The following HSPG2 variants were observed in gnomAD, a reference collection of about 807,000 sequenced individuals.
HSPG2 encodes heparan sulfate proteoglycan 2.
Under a neutral mutation model 526.6 loss-of-function variants are expected in HSPG2, and 278 were observed. The ratio of observed to expected loss-of-function variants is 0.53; its 90% CI spans 0.48 to 0.58. The LOEUF (loss-of-function observed/expected upper bound fraction) is 0.58. Ranked by LOEUF, HSPG2 falls within the 20% of genes least tolerant of loss-of-function variation. The probability of loss-of-function intolerance (pLI) is 0.00; values close to 1 mark genes in which losing one functional copy is unlikely to be tolerated. For missense variants in HSPG2, 5,354 were observed against 6,099.5 expected (o/e 0.88, Z 4.07); for synonymous variants, 2,465 against 2,555.4 (o/e 0.96, Z 1.07).
rs1171669071 is a variant in HSPG2 at position 21,824,001 on chromosome 1, C to G, written c.12899+120G>C. The G allele has an allele frequency of 9.5e-7, 1 of 1,050,452 alleles. No homozygotes were observed. The allele number at this position is 1,050,452 out of a possible 1,614,324, so 65.1% of individuals were successfully genotyped here. On this transcript the variant is annotated intron_variant, in intron 95 of 96. Transcript: ENST00000374695. The surrounding 1 kb of genome is among the most constrained non-coding windows in gnomAD (Gnocchi z 5.9). Reference sequence around the variant, plus strand: ...CCCTGGCTGGTGGGTTCTCCCCTCCCCTGGCTTCAAGTTCTGTCTCCACAG... The same window carrying G: ...CCCTGGCTGGTGGGTTCTCCCCTCCGCTGGCTTCAAGTTCTGTCTCCACAG...
At position 21,823,492 on chromosome 1, in the gene HSPG2, C is replaced by A; in HGVS notation, c.13004-4G>T. 6.2e-7 allele frequency: 1 copy of A among 1,604,266 alleles called. No homozygotes were observed. ...GTGGCCACGTCAGGGGCTCCGCCTG[C>A]CGGGAGGTGAGAGGACAGGGCCTGT... On this transcript the variant is annotated splice_region_variant and splice_polypyrimidine_tract_variant and intron_variant, in intron 96 of 96. Transcript: ENST00000374695.
In HSPG2 at chr1:21,828,576, G is replaced by T; in HGVS notation, c.12238-150C>A. The T allele has an allele frequency of 1.1e-6, 1 of 905,458 alleles. No homozygotes were observed. The highest frequency in any genetic ancestry group is 1.7e-6 in the Non-Finnish European group (1 of 591,890). The allele number at this position is 905,458 out of a possible 1,614,324, so 56.1% of individuals were successfully genotyped here. A position where few individuals can be genotyped will look rare whatever the true frequency, so the allele number is the denominator to read the frequency against. On this transcript the variant is annotated intron_variant, in intron 88 of 96. Transcript: ENST00000374695. This position sits in a 1 kb window ranked among gnomAD's most constrained non-coding sequence, Gnocchi z 6.0. The stretch of plus-strand genomic sequence containing the variant: ...GGATTCTCGGTGTGGGGAGGGAGGC[G>T]CAGGAGTTGAGTGCCTACTGTGTGC...
Position 21,847,445 on chromosome 1 carries a change from C to T in HSPG2, c.8073G>A (p.Ser2691=), listed in dbSNP as rs1438656512. 10 of 1,613,820 alleles carry T rather than the reference C, an allele frequency of 6.2e-6. No homozygotes were observed. Among genetic ancestry groups the T allele is most frequent in the African/African-American group, 2.7e-5 (2 of 74,928 alleles). Residue 2691 remains serine (S), a synonymous_variant, in exon 62 of 97, where the codon TCG becomes TCA. Coordinates refer to ENST00000374695, the MANE Select transcript of HSPG2 (RefSeq NM_005529.7). This position sits in a 1 kb window ranked among gnomAD's most constrained non-coding sequence, Gnocchi z 4.1. ...LRLHQMSVAD[S]GEYVCRANNN... ...TGTTGGCCCGGCACACATACTCGCCCGAGTCAGCCACAGACATTTGGTGCA... is the reference window on the plus strand; with the variant it reads ...TGTTGGCCCGGCACACATACTCGCCTGAGTCAGCCACAGACATTTGGTGCA...
Position 21,880,794 on chromosome 1 carries a change from G to A in HSPG2, c.1860C>T (p.Tyr620=), listed in dbSNP as rs764415919. The change falls in exon 15 of 97, where the codon TAC becomes TAT. Residue 620 remains tyrosine (Y), a synonymous_variant. Transcript: ENST00000374695. ...GCTCCAGCATGCCACGGGCCAACTC[G>A]TAGCGCACGTTGTAACGCAGGGAGC... ...YGGSLRYNVR[Y]ELARGMLEPV... is the part of the protein sequence containing the mutation. 28 of 1,597,760 alleles carry A rather than the reference G, an allele frequency of 1.8e-5. No homozygotes were observed. The Admixed American group carries it at 2.1e-4, about 12-fold the overall frequency.
chr1:21,905,162 ACCACCCAC>A (rs748449313), intron 1 of HSPG2, among the ~76,000 whole-genome samples: 5 of 114,234 alleles, frequency 4.4e-5, no homozygotes, highest in African/African-American at 1.4e-4. Flanking sequence ...ACACACACCC[ACCACCCAC>A]CCACACACAC....
chr1:21,841,315 A>G (rs922343811), intron 70 of HSPG2, 30 bp from the exon 71 acceptor site: 5 of 1,612,320 alleles, frequency 3.1e-6, no homozygotes, highest in Non-Finnish European at 4.2e-6. Context: ...CCACTGACAC[A>G]CAGGCAGGGC....
At chr1:21,896,651 G>A (rs1431073259) in intron 1 of HSPG2, among the ~76,000 whole-genome samples, 2 of 152,178 alleles carry the variant, frequency 1.3e-5, no homozygotes, top group Non-Finnish European at 2.9e-5. Context: ...GTGGATGGGG[G>A]GATGCGGGCG....
intron 1 of HSPG2, chr1:21,907,978 G>A (rs1367848686): frequency 1.0e-5 from 6 of 589,312 alleles, no homozygotes; most frequent in African/African-American, 5.5e-5. Flanking sequence ...TATCTCATAC[G>A]GCTGTTGTGA....
intron 65 of HSPG2, 73 bp from the exon 66 acceptor site, chr1:21,843,511 C>G: frequency 6.6e-7 from 1 of 1,504,416 alleles, no homozygotes; most frequent in Non-Finnish European, 9.1e-7. Context: ...GGTACCCACA[C>G]CCTGGGACTG....
At chr1:21,829,135 C>T (rs1193065134) in intron 87 of HSPG2, 56 bp from the exon 88 acceptor site, 5 of 1,515,352 alleles carry the variant, frequency 3.3e-6, no homozygotes, top group South Asian at 2.4e-5. Flanking sequence ...GCTCCCTGCC[C>T]TCTCCACCAC....
chr1:21,856,048 C>T, intron 44 of HSPG2, 136 bp from the exon 45 acceptor site: 1 of 1,236,262 alleles, frequency 8.1e-7, no homozygotes, highest in Non-Finnish European at 1.1e-6. Flanking sequence ...CCAGAGGGAG[C>T]TTGGGAAATG....
In HSPG2 at chr1:21,872,542, C is replaced by G. The variant is rs1198886377; in HGVS notation, c.4029+78G>C. On this transcript the variant is annotated intron_variant, in intron 32 of 96. Coordinates refer to ENST00000374695, the MANE Select transcript of HSPG2 (RefSeq NM_005529.7). This position sits in a 1 kb window ranked among gnomAD's most constrained non-coding sequence, Gnocchi z 5.5. ...GGTACTGAGGCGGGGATGAGGGTCG[C>G]TGGGCTCAGTGCTCAGATGGACAGT... 6.5e-7 allele frequency: 1 copy of G among 1,528,392 alleles called. No homozygotes were observed. Among genetic ancestry groups the G allele is most frequent in the Non-Finnish European group, 8.9e-7 (1 of 1,127,636 alleles). The allele number at this position is 1,528,392 out of a possible 1,614,324, so 94.7% of individuals were successfully genotyped here.
chr1:21,873,523 C>G (rs1209361591), intron 29 of HSPG2, 99 bp from the exon 30 acceptor site: 18 of 1,180,090 alleles, frequency 1.5e-5, no homozygotes, highest in Admixed American at 3.4e-5. Flanking sequence ...GCCTCATGCA[C>G]TGGAAGAAAA....
chr1:21,853,964 C>T, intron 50 of HSPG2: 1 of 536,160 alleles, frequency 1.9e-6, no homozygotes, highest in African/African-American at 1.9e-5. Flanking sequence ...GGACATTCTG[C>T]TGCTTCCTGA....
chr1:21,831,382 G>A, intron 83 of HSPG2, 58 bp from the exon 84 acceptor site: 2 of 1,601,512 alleles, frequency 1.2e-6, no homozygotes, highest in East Asian at 4.5e-5. Context: ...CATACCCTGA[G>A]GTGCCCTCCC....
Position 21,859,880 on chromosome 1 carries a change from C to A in HSPG2, c.5137G>T (p.Glu1713Ter). The A allele has an allele frequency of 6.2e-7, 1 of 1,611,324 alleles. No individual in the cohort carries two copies. Among genetic ancestry groups the A allele is most frequent in the South Asian group, 1.1e-5 (1 of 90,318 alleles). The change falls in exon 41 of 97, where the codon GAG (glutamate) becomes TAG (stop). Residue 1713 changes from glutamate to a stop codon, truncating the protein, a stop_gained. Transcript: ENST00000374695. LOFTEE classifies it high-confidence loss of function. This position sits in a 1 kb window ranked among gnomAD's most constrained non-coding sequence, Gnocchi z 5.3. ...CCGCTGGGCACAGGCCGCCCATCCT[C>A]ACGGGACCAATAGAAGTAGTGGGGT... ...SPPHYFYWSR[E>*]DGRPVPSGTQ...
rs1053998183 is a variant in HSPG2 at position 21,872,170 on chromosome 1, C to G, written c.4221+16G>C. On this transcript the variant is annotated intron_variant, in intron 33 of 96. Coordinates refer to ENST00000374695, the MANE Select transcript of HSPG2 (RefSeq NM_005529.7). The surrounding 1 kb of genome is among the most constrained non-coding windows in gnomAD (Gnocchi z 5.5). Reference sequence around the variant, plus strand: ...GTCTGAGTCACGGCTGACCCTGGTGCTTGGCTGGGGCCCACCTTGTCTCCC... The same window carrying G: ...GTCTGAGTCACGGCTGACCCTGGTGGTTGGCTGGGGCCCACCTTGTCTCCC... 1 of 1,551,520 alleles carries G rather than the reference C, an allele frequency of 6.4e-7. No individual in the cohort carries two copies. Among genetic ancestry groups the G allele is most frequent in the Admixed American group, 2.0e-5 (1 of 51,018 alleles).
At chr1:21,908,421 C>A in intron 1 of HSPG2, 1 of 881,984 alleles carries the variant, frequency 1.1e-6, no homozygotes, top group Non-Finnish European at 1.9e-6. Context: ...TCCTGAAACG[C>A]GTGAAGGAGA....
intron 30 of HSPG2, 102 bp from the exon 31 acceptor site, chr1:21,873,193 G>T: frequency 8.5e-7 from 1 of 1,181,078 alleles, no homozygotes; most frequent in South Asian, 1.2e-5. Context: ...GATTTCTGAT[G>T]TGAGTACTCA....
Sources: gnomAD v4.1 joint callset for allele counts (sites outside exome capture counted in the v4.1 genomes callset) on GRCh38, gnomAD v4.1.1 for gene constraint, Gnocchi (gnomAD v3.1) non-coding constraint, MANE v1.5 for transcripts, NCBI Gene and HGNC (gene_info 2026-07-23, HGNC 2026-07-21) for gene names.